Variants in LRP1B observed in about 807,000 individuals in gnomAD.
LRP1B encodes low-density lipoprotein receptor-related protein 1B.
Under a neutral mutation model 556.6 loss-of-function variants are expected in LRP1B, and 217 were observed. The ratio of observed to expected loss-of-function variants is 0.39; its 90% CI spans 0.35 to 0.44. LRP1B has a LOEUF of 0.44. LRP1B is among the 20% of genes least tolerant of loss of function. The probability of loss-of-function intolerance (pLI) is 1.00; values close to 1 mark genes in which losing one functional copy is unlikely to be tolerated. For synonymous variants in LRP1B, 2,047 were observed against 1,865.8 expected (o/e 1.10, Z -2.50); for missense variants, 5,053 against 5,620.8 (o/e 0.90, Z 3.23).
At chr2:140,272,981 G>A (rs1682527085) in intron 85 of LRP1B, among the ~76,000 whole-genome samples, 1 of 151,836 alleles carries the variant, frequency 6.6e-6, no homozygotes, top group Non-Finnish European at 1.5e-5. Flanking sequence ...TTTCTGTTTT[G>A]GAGAAGGGAC....
At chr2:140,648,830 T>C (rs1684575531) in intron 41 of LRP1B, among the ~76,000 whole-genome samples, 1 of 152,106 alleles carries the variant, frequency 6.6e-6, no homozygotes, top group Non-Finnish European at 1.5e-5. Flanking sequence ...AATTGTAATG[T>C]GGAGCCTTTA....
intron 1 of LRP1B, among the ~76,000 whole-genome samples, chr2:142,046,219 T>C (rs1459800390): frequency 6.6e-6 from 1 of 151,874 alleles, no homozygotes; most frequent in East Asian, 1.9e-4. Flanking sequence ...GGGGGGCAGT[T>C]TCTATAAGAC....
At chr2:140,386,057 A>C (rs767753375) in intron 66 of LRP1B, 48 bp from the exon 67 acceptor site, 1 of 1,189,116 alleles carries the variant, frequency 8.4e-7, no homozygotes, top group Non-Finnish European at 1.2e-6. Flanking sequence ...CCATGAAGAC[A>C]TCCCTCACAA....
intron 2 of LRP1B, among the ~76,000 whole-genome samples, chr2:141,654,431 C>A (rs1232131237): frequency 6.6e-6 from 1 of 152,104 alleles, no homozygotes; most frequent in Non-Finnish European, 1.5e-5. Context: ...CTGAAGCTAA[C>A]AGGGAAATTT....
intron 1 of LRP1B, among the ~76,000 whole-genome samples, chr2:141,922,733 T>G (rs1700224260): frequency 6.6e-6 from 1 of 151,978 alleles, no homozygotes; most frequent in Non-Finnish European, 1.5e-5. Context: ...AGAAATTGAG[T>G]CTAGAGTCAC....
chr2:141,209,281 G>C (rs1480963481), intron 6 of LRP1B, among the ~76,000 whole-genome samples: 1 of 152,142 alleles, frequency 6.6e-6, no homozygotes, highest in Non-Finnish European at 1.5e-5. Context: ...TCTCATGAGA[G>C]TAAGTTCTCA....
chr2:140,612,179 C>T (rs1196959302), intron 41 of LRP1B, among the ~76,000 whole-genome samples: 1 of 152,018 alleles, frequency 6.6e-6, no homozygotes, highest in Non-Finnish European at 1.5e-5. Flanking sequence ...TTTCCATTGA[C>T]ATTAATCAAG....
chr2:141,348,509 G>C (rs987499010), intron 3 of LRP1B, among the ~76,000 whole-genome samples: 17 of 151,892 alleles, frequency 1.1e-4, no homozygotes, highest in African/African-American at 4.1e-4. Flanking sequence ...TTGGGCATTA[G>C]TTTAATGGCC....
At chr2:140,889,018 A>C (rs912697931) in intron 23 of LRP1B, among the ~76,000 whole-genome samples, 81 of 152,000 alleles carry the variant, frequency 5.3e-4, no homozygotes, top group African/African-American at 1.9e-3. Context: ...CATTGATTTA[A>C]TAGTAAAATT....
At chr2:141,484,361 T>C (rs947923278) in intron 2 of LRP1B, among the ~76,000 whole-genome samples, 3 of 150,070 alleles carry the variant, frequency 2.0e-5, no homozygotes, top group East Asian at 2.0e-4. Context: ...TTTTGGTTAC[T>C]GTAGCCTTGT....
At chr2:141,542,040 C>T (rs1685279191) in intron 2 of LRP1B, among the ~76,000 whole-genome samples, 1 of 137,390 alleles carries the variant, frequency 7.3e-6, no homozygotes, top group Non-Finnish European at 1.6e-5. Flanking sequence ...CAATATTTCA[C>T]TTCAAATTAT....
At chr2:140,957,370 A>G (rs1321084698) in intron 18 of LRP1B, among the ~76,000 whole-genome samples, 1 of 151,666 alleles carries the variant, frequency 6.6e-6, no homozygotes, top group Non-Finnish European at 1.5e-5. Flanking sequence ...AAAGGTTGCA[A>G]TAAGGTATAA....
At chr2:140,837,521 C>T (rs1239663511) in intron 31 of LRP1B, among the ~76,000 whole-genome samples, 3 of 152,060 alleles carry the variant, frequency 2.0e-5, no homozygotes, top group African/African-American at 4.8e-5. Flanking sequence ...TTTTGAAAAT[C>T]TATTTTTTAA....
At chr2:141,673,312 G>A (rs1386689462) in intron 2 of LRP1B, among the ~76,000 whole-genome samples, 1 of 152,176 alleles carries the variant, frequency 6.6e-6, no homozygotes, top group East Asian at 1.9e-4. Context: ...GAGAAAGTCT[G>A]TTCTGAAATG....
intron 2 of LRP1B, among the ~76,000 whole-genome samples, chr2:141,507,177 T>A (rs1683962504): frequency 6.6e-6 from 1 of 152,162 alleles, no homozygotes; most frequent in African/African-American, 2.4e-5. Flanking sequence ...TGTTTAACAA[T>A]GAATTTTGAA....
intron 3 of LRP1B, among the ~76,000 whole-genome samples, chr2:141,277,216 C>G (rs1319399165): frequency 6.6e-6 from 1 of 152,190 alleles, no homozygotes; most frequent in Non-Finnish European, 1.5e-5. Context: ...AATCGCCAAC[C>G]TACTTTCCAC....
intron 2 of LRP1B, among the ~76,000 whole-genome samples, chr2:141,653,406 G>A (rs543470395): frequency 9.2e-5 from 14 of 152,292 alleles, no homozygotes; most frequent in South Asian, 4.1e-4. Flanking sequence ...GATTGCATCA[G>A]TACGTGTCAT....
At chr2:141,780,520 T>C (rs1695219737) in intron 2 of LRP1B, among the ~76,000 whole-genome samples, 2 of 152,152 alleles carry the variant, frequency 1.3e-5, no homozygotes, top group Non-Finnish European at 2.9e-5. Context: ...AAATCAGCGA[T>C]TTTTAGCATT....
intron 2 of LRP1B, among the ~76,000 whole-genome samples, chr2:141,639,375 TACAC>T (rs1440460019): frequency 1.0e-5 from 1 of 100,448 alleles, no homozygotes; most frequent in African/African-American, 3.6e-5. Context: ...TATATATATA[TACAC>T]ATATATATAT....
Sources: gnomAD v4.1 joint callset for allele counts (sites outside exome capture counted in the v4.1 genomes callset) on GRCh38, gnomAD v4.1.1 for gene constraint, MANE v1.5 for transcripts, NCBI Gene and HGNC (gene_info 2026-07-23, HGNC 2026-07-21) for gene names.